Variants in NUP62CL observed in about 807,000 individuals in gnomAD.
NUP62CL encodes nucleoporin 62 C-terminal like.
NUP62CL carries 13 observed loss-of-function variants against 15.3 expected under a neutral mutation model. The ratio of observed to expected loss-of-function variants is 0.85; its 90% CI spans 0.55 to 1.35. NUP62CL has a LOEUF of 1.35. NUP62CL is among the 40% of genes most tolerant of loss of function. The probability of loss-of-function intolerance (pLI) is 0.00; values close to 1 mark genes in which losing one functional copy is unlikely to be tolerated. For missense variants in NUP62CL, 123 were observed against 130.6 expected, an observed-to-expected ratio of 0.94 and a Z score of 0.28; for synonymous variants, 54 against 49.2, an observed-to-expected ratio of 1.10 and a Z score of -0.41.
In NUP62CL at chrX:107,190,090, T is replaced by C. The variant is rs559472027; in HGVS notation, c.-48+2939A>G. 9.0e-5 allele frequency among the ~76,000 whole-genome samples: 10 copies of C among 111,429 alleles called. No individual in the cohort carries two copies. The South Asian group carries it at 3.4e-3, about 38-fold the overall frequency. Reference sequence around the variant, plus strand: ...TTTTGGTTTAGCAAGATCCTGAATGTCTTCTCATTAATGTTGAATACAAGT... The same window carrying C: ...TTTTGGTTTAGCAAGATCCTGAATGCCTTCTCATTAATGTTGAATACAAGT... On this transcript the variant is annotated intron_variant, in intron 2 of 8. Transcript: ENST00000372466.
At chrX:107,202,726 T>C (rs1391440569) in intron 1 of NUP62CL, 1 of 101,636 alleles carries the variant, frequency 9.8e-6, no homozygotes, top group Non-Finnish European at 2.0e-5. Flanking sequence ...CTGGGCCCAG[T>C]GGCTCACACC....
At chrX:107,129,262 G>A (rs1444038289) in intron 8 of NUP62CL, among the ~76,000 whole-genome samples, 1 of 111,441 alleles carries the variant, frequency 9.0e-6, no homozygotes, top group Non-Finnish European at 1.9e-5. Flanking sequence ...TGAAAGTGGA[G>A]CTAAAAACAG....
chrX:107,133,248 AC>A lies in NUP62CL; in HGVS notation c.*43-8917del, dbSNP rs759943370. On this transcript the variant is annotated intron_variant, in intron 8 of 8. Coordinates refer to ENST00000372466, the MANE Select transcript of NUP62CL (RefSeq NM_017681.3). ...CTTCCATCATCCCTCTCTCTGACCT[AC>A]CCTGCTGTCTTCCATTCCTACTGTT... Among the ~76,000 whole-genome samples, 247 of 110,053 alleles carry A rather than the reference AC, an allele frequency of 2.2e-3. 2 individuals are homozygous for A. Among genetic ancestry groups the A allele is most frequent in the Non-Finnish European group, 3.8e-3 (202 of 52,649 alleles).
intron 4 of NUP62CL, among the ~76,000 whole-genome samples, chrX:107,155,461 C>T (rs746049632): frequency 2.4e-4 from 27 of 111,973 alleles, no homozygotes; most frequent in Non-Finnish European, 4.7e-4. Flanking sequence ...CTTACATCTC[C>T]ACTTACTGTC....
At chrX:107,132,407 T>TGTGTATATGGTAA in intron 8 of NUP62CL, 1 of 414,696 alleles carries the variant, frequency 2.4e-6, no homozygotes, top group Non-Finnish European at 4.2e-6. Flanking sequence ...ACATATCCAG[T>TGTGTATATGGTAA]CATAACACAA....
chrX:107,140,968 C>G (rs1777487), intron 8 of NUP62CL, among the ~76,000 whole-genome samples: 1 of 111,912 alleles, frequency 8.9e-6, no homozygotes, highest in Non-Finnish European at 1.9e-5. Flanking sequence ...GAGAAAAATC[C>G]GTCCTTCTCA....
At position 107,124,197 on chromosome X, in the gene NUP62CL, T is replaced by C. The variant is rs776082196; in HGVS notation, c.*178A>G. 3.0e-6 allele frequency: 1 copy of C among 327,971 alleles called. No individual in the cohort carries two copies. 27.0% of individuals were successfully genotyped at this position (327,971 alleles called of 1,213,427 possible). On this transcript the variant is annotated 3_prime_UTR_variant, in exon 9 of 9. Coordinates refer to ENST00000372466, the MANE Select transcript of NUP62CL (RefSeq NM_017681.3). ...CTACTCTATTTAACATCAGAATTTG[T>C]AGGTAATAATCCAGAAACGACATGC...
At chrX:107,193,700 AG>A (rs1286215589) in intron 1 of NUP62CL, among the ~76,000 whole-genome samples, 2 of 111,128 alleles carry the variant, frequency 1.8e-5, no homozygotes, top group Non-Finnish European at 3.8e-5. Context: ...AAAAAAAAAA[AG>A]CCCTTAGAAG....
intron 2 of NUP62CL, among the ~76,000 whole-genome samples, chrX:107,185,985 G>A (rs1927052329): frequency 9.0e-6 from 1 of 111,558 alleles, no homozygotes; most frequent in African/African-American, 3.3e-5. Context: ...GACAGAGGAG[G>A]ATATTTACAA....
intron 1 of NUP62CL, among the ~76,000 whole-genome samples, chrX:107,199,173 C>G (rs751090649): frequency 1.8e-5 from 2 of 111,446 alleles, no homozygotes; most frequent in Admixed American, 1.9e-4. Flanking sequence ...AATCCCTTAC[C>G]TTCATTACCT....
chrX:107,131,928 A>G lies in NUP62CL; in HGVS notation c.*43-7596T>C. On this transcript the variant is annotated intron_variant, in intron 8 of 8. Transcript: ENST00000372466. ...CAGTGTTAAAATATAAATGTCATAC[A>G]ATGAAGAAGCTCAGCATGACAAGAA... 38 of 1,021,705 alleles carry G rather than the reference A, an allele frequency of 3.7e-5. No homozygotes were observed. The South Asian group carries it at 7.0e-4, about 19-fold the overall frequency. 84.2% of individuals were successfully genotyped at this position (1,021,705 alleles called of 1,213,427 possible). A position where few individuals can be genotyped will look rare whatever the true frequency, so the allele number is the denominator to read the frequency against.
intron 1 of NUP62CL, among the ~76,000 whole-genome samples, chrX:107,196,226 A>AT (rs1927358612): frequency 8.9e-6 from 1 of 112,051 alleles, no homozygotes; most frequent in African/African-American, 3.2e-5. Flanking sequence ...CTAAAAGTAC[A>AT]TTTTTGTCAC....
intron 4 of NUP62CL, among the ~76,000 whole-genome samples, chrX:107,161,466 G>A (rs1185914940): frequency 1.9e-4 from 16 of 82,559 alleles, no homozygotes; most frequent in African/African-American, 6.9e-4. Context: ...AAAATGATGA[G>A]TTCATGTCCT....
chrX:107,131,844 G>T, intron 8 of NUP62CL: 5 of 1,037,867 alleles, frequency 4.8e-6, no homozygotes, highest in Non-Finnish European at 5.4e-6. Flanking sequence ...ACACTCTTGG[G>T]ACCTGTGTTA....
chrX:107,174,037 TTCTCTC>T (rs747292732), intron 3 of NUP62CL, among the ~76,000 whole-genome samples: 2 of 98,011 alleles, frequency 2.0e-5, no homozygotes, highest in Admixed American at 2.2e-4. Context: ...TTTTCTTTCT[TTCTCTC>T]TCTCTCTCTC....
intron 8 of NUP62CL, chrX:107,132,222 A>G: frequency 9.1e-7 from 1 of 1,093,562 alleles, no homozygotes; most frequent in South Asian, 1.9e-5. Context: ...TTATTGATAT[A>G]CCTTCTGAGA....
chrX:107,153,276 T>C lies in NUP62CL; in HGVS notation c.426A>G (p.Ser142=), dbSNP rs35155882. ...RLEQELDFIL[S]QQQELEFLLT... ...ACAGAAATTCTAGTTCCTGCTGCTG[T>C]GACAGGATAAAATCCAATTCTTGTT... Residue 142 remains serine, a synonymous_variant, in exon 7 of 9, where the codon TCA becomes TCG. Transcript: ENST00000372466. The C allele has an allele frequency of 0.013, 15,527 of 1,206,408 alleles. 101 individuals are homozygous for C. The highest frequency in any genetic ancestry group is 0.015 in the Non-Finnish European group (13,268 of 892,556).
intron 1 of NUP62CL, among the ~76,000 whole-genome samples, chrX:107,204,511 T>C (rs970855168): frequency 9.1e-6 from 1 of 110,308 alleles, no homozygotes; most frequent in African/African-American, 3.3e-5. Flanking sequence ...GAGTTGATTA[T>C]ATCCCTAAAG....
chrX:107,152,171 G>GAATATAT (rs1569357216), intron 7 of NUP62CL, among the ~76,000 whole-genome samples: 5 of 70,243 alleles, frequency 7.1e-5, no homozygotes, highest in African/African-American at 2.9e-4. Context: ...TATATATTCA[G>GAATATAT]ATATATATAT....
Sources: allele counts gnomAD v4.1 joint callset (sites outside exome capture counted in the v4.1 genomes callset), GRCh38; gene constraint gnomAD v4.1.1; transcripts MANE v1.5; gene names NCBI Gene and HGNC (gene_info 2026-07-23, HGNC 2026-07-21).